Variants in SOX5 observed in about 807,000 individuals in gnomAD.
SOX5 encodes transcription factor SOX-5.
In SOX5, 9 loss-of-function variants were observed where a neutral mutation model predicts 92.0. The observed-to-expected ratio is 0.10, with a 90% CI of 0.06 to 0.17. The LOEUF (loss-of-function observed/expected upper bound fraction) is 0.17, where lower values mean the gene tolerates loss of function less well. SOX5 is among the 10% of genes least tolerant of loss of function. The probability of loss-of-function intolerance (pLI) is 1.00; values close to 1 mark genes in which losing one functional copy is unlikely to be tolerated. For synonymous variants in SOX5, 344 were observed against 336.3 expected (o/e 1.02, Z -0.25); for missense variants, 642 against 944.5 (o/e 0.68, Z 4.20).
chr12:23,998,647 CA>C (rs1196343641), intron 4 of SOX5, among the ~76,000 whole-genome samples: 2 of 151,342 alleles, frequency 1.3e-5, no homozygotes, highest in African/African-American at 4.9e-5. Context: ...TACTAAAATA[CA>C]AAAATTAGCC....
chr12:24,242,338 C>T (rs10842296), intron 3 of SOX5, among the ~76,000 whole-genome samples: 46,655 of 151,960 alleles, frequency 0.31, 8,021 homozygotes, highest in East Asian at 0.73. Flanking sequence ...AATTTCTTGC[C>T]TGAAAGGTAT....
At chr12:23,695,448 T>A (rs866658079) in intron 6 of SOX5, among the ~76,000 whole-genome samples, 32 of 152,320 alleles carry the variant, frequency 2.1e-4, no homozygotes, top group African/African-American at 7.0e-4. Context: ...TGTGTAGAAA[T>A]TCTTTATTGA....
intron 4 of SOX5, among the ~76,000 whole-genome samples, chr12:24,137,221 T>C (rs1593498114): frequency 1.3e-5 from 2 of 152,254 alleles, no homozygotes; most frequent in African/African-American, 2.4e-5. Context: ...TGTGGTCTAA[T>C]AAAGCAAAAT....
At chr12:24,431,201 A>C (rs1038730670) in intron 1 of SOX5, among the ~76,000 whole-genome samples, 3 of 150,132 alleles carry the variant, frequency 2.0e-5, no homozygotes, top group African/African-American at 7.6e-5. Flanking sequence ...CCAAGATGAA[A>C]GAGTGAGTAA....
At chr12:24,276,852 A>C (rs1944486301) in intron 3 of SOX5, among the ~76,000 whole-genome samples, 1 of 152,166 alleles carries the variant, frequency 6.6e-6, no homozygotes, top group African/African-American at 2.4e-5. Flanking sequence ...GCAATCCCAA[A>C]TATTTATTTT....
At chr12:23,809,658 C>A (rs1460851808) in intron 3 of SOX5, among the ~76,000 whole-genome samples, 1 of 149,758 alleles carries the variant, frequency 6.7e-6, no homozygotes. Context: ...TCTTGCTTAA[C>A]CAAGCAGAAA....
chr12:24,451,709 C>T (rs959861373), intron 1 of SOX5, among the ~76,000 whole-genome samples: 5 of 152,064 alleles, frequency 3.3e-5, no homozygotes, highest in East Asian at 1.9e-4. Context: ...GGGCTCTAAC[C>T]GATATTAGAG....
intron 6 of SOX5, among the ~76,000 whole-genome samples, chr12:23,667,369 A>G (rs181091589): frequency 7.0e-4 from 107 of 152,314 alleles, no homozygotes; most frequent in African/African-American, 2.5e-3. Context: ...AATTGCAATG[A>G]ATTCTGGAGC....
intron 8 of SOX5, among the ~76,000 whole-genome samples, chr12:23,620,698 A>T (rs1390294245): frequency 1.3e-5 from 2 of 152,100 alleles, no homozygotes; most frequent in Non-Finnish European, 2.9e-5. Flanking sequence ...ACACTCCAAT[A>T]GCACCTTGCA....
intron 1 of SOX5, among the ~76,000 whole-genome samples, chr12:24,395,849 T>C (rs898559101): frequency 7.2e-5 from 11 of 152,192 alleles, no homozygotes; most frequent in Non-Finnish European, 1.3e-4. Flanking sequence ...CTGCTAGCAG[T>C]GACATCAAAG....
chr12:23,828,643 T>C (rs2096269019), intron 3 of SOX5, among the ~76,000 whole-genome samples: 1 of 152,098 alleles, frequency 6.6e-6, no homozygotes, highest in Non-Finnish European at 1.5e-5. Context: ...TGAACTCATA[T>C]ATATGCAGTT....
At chr12:24,549,813 T>C (rs779262164) in intron 1 of SOX5, among the ~76,000 whole-genome samples, 8 of 152,116 alleles carry the variant, frequency 5.3e-5, no homozygotes, top group Non-Finnish European at 7.4e-5. Flanking sequence ...ACTCTGAATG[T>C]TGGAGAAATA....
At chr12:23,683,170 T>C (rs756859699) in intron 6 of SOX5, among the ~76,000 whole-genome samples, 10 of 151,914 alleles carry the variant, frequency 6.6e-5, no homozygotes, top group Admixed American at 1.3e-4. Flanking sequence ...TAAGCCCTAA[T>C]GATGGTGTAA....
chr12:24,282,481 C>T (rs1243901417), intron 2 of SOX5, among the ~76,000 whole-genome samples: 6 of 149,682 alleles, frequency 4.0e-5, no homozygotes, highest in East Asian at 1.9e-4. Flanking sequence ...CAAAACAATG[C>T]GAGAATAATG....
chr12:23,999,209 A>C (rs1383412172), intron 4 of SOX5, among the ~76,000 whole-genome samples: 2 of 149,822 alleles, frequency 1.3e-5, no homozygotes, highest in Admixed American at 1.3e-4. Flanking sequence ...TTTAAAAGAC[A>C]ACTGCCTGCT....
At chr12:24,435,006 C>T (rs1372247137) in intron 1 of SOX5, among the ~76,000 whole-genome samples, 1 of 152,192 alleles carries the variant, frequency 6.6e-6, no homozygotes, top group Non-Finnish European at 1.5e-5. Context: ...AATGCCCTTT[C>T]CTTTTGGAGA....
rs546835009 is a variant in SOX5, at chr12:24,291,574, A to C, written c.-173-14262T>G. ...CATCTTATTCACATAAAATGTGCAT[A>C]TAGAAACAGAAAACAGAAGCAAGAA... On this transcript the variant is annotated intron_variant, in intron 2 of 4. Transcript: ENST00000446891. Among the ~76,000 whole-genome samples the C allele has an allele frequency of 1.2e-4, 19 of 152,364 alleles. 1 individual carries two copies. Among genetic ancestry groups the C allele is most frequent in the Admixed American group, 8.5e-4 (13 of 15,308 alleles).
At chr12:24,219,449 C>A (rs1165333354) in intron 3 of SOX5, among the ~76,000 whole-genome samples, 1 of 151,958 alleles carries the variant, frequency 6.6e-6, no homozygotes, top group African/African-American at 2.4e-5. Flanking sequence ...TTTGTCTCCA[C>A]AATAATTCAA....
intron 4 of SOX5, among the ~76,000 whole-genome samples, chr12:24,012,688 T>C (rs1414312253): frequency 1.3e-5 from 2 of 151,830 alleles, no homozygotes; most frequent in East Asian, 3.9e-4. Context: ...CAGAATTGCT[T>C]TAGGATGAGA....
Sources: gnomAD v4.1 joint callset for allele counts (sites outside exome capture counted in the v4.1 genomes callset) on GRCh38, gnomAD v4.1.1 for gene constraint, MANE v1.5 for transcripts, NCBI Gene and HGNC (gene_info 2026-07-23, HGNC 2026-07-21) for gene names.